Variants in NSMAF observed in about 807,000 individuals in gnomAD.
NSMAF encodes protein FAN.
A neutral mutation model predicts 134.9 loss-of-function variants in NSMAF; 90 were observed. The ratio of observed to expected loss-of-function variants is 0.67; its 90% CI spans 0.56 to 0.79. NSMAF has a LOEUF of 0.79. NSMAF is among the 30% of genes least tolerant of loss of function. The pLI, the probability that NSMAF is intolerant of heterozygous loss-of-function variation, is 0.00. For synonymous variants in NSMAF, 358 were observed against 389.6 expected (o/e 0.92, Z 0.96); for missense variants, 1,010 against 1,119.0 (o/e 0.90, Z 1.39).
intron 1 of NSMAF, among the ~76,000 whole-genome samples, chr8:58,645,811 C>T (rs969812686): frequency 3.9e-5 from 6 of 152,142 alleles, no homozygotes; most frequent in African/African-American, 1.4e-4. Flanking sequence ...GAGGCCAAGG[C>T]GGGCGGTTTG....
chr8:58,654,887 T>C (rs1338232168), intron 1 of NSMAF, among the ~76,000 whole-genome samples: 1 of 152,172 alleles, frequency 6.6e-6, no homozygotes, highest in Non-Finnish European at 1.5e-5. Flanking sequence ...CAGGCTGGAG[T>C]GCAATGGCAC....
intron 19 of NSMAF, 28 bp downstream of exon 19, chr8:58,599,204 A>G: frequency 3.8e-6 from 6 of 1,587,470 alleles, no homozygotes; most frequent in Non-Finnish European, 5.2e-6. Context: ...ACCCAATGCT[A>G]AATAAAATTT....
chr8:58,639,999 T>G (rs1035299282), intron 2 of NSMAF: 16 of 444,442 alleles, frequency 3.6e-5, no homozygotes, highest in African/African-American at 3.2e-4. Context: ...GCTCAGAGCT[T>G]TGTTCAGGCA....
intron 1 of NSMAF, among the ~76,000 whole-genome samples, chr8:58,646,638 C>T (rs907927847): frequency 2.6e-5 from 4 of 151,794 alleles, no homozygotes; most frequent in African/African-American, 7.3e-5. Context: ...TTGTTATACC[C>T]GCTTTAAAAT....
intron 13 of NSMAF, among the ~76,000 whole-genome samples, chr8:58,602,962 A>C (rs528058235): frequency 6.6e-6 from 1 of 152,340 alleles, no homozygotes; most frequent in Admixed American, 6.5e-5. Flanking sequence ...GGTTAAAATC[A>C]TGCCCATTTT....
In NSMAF at chr8:58,584,184, T is replaced by C; in HGVS notation, c.2676A>G (p.Ile892Met). The change falls in exon 31 of 31, where the codon ATA (isoleucine) becomes ATG (methionine). Residue 892 changes from isoleucine (I) to methionine (M), a missense_variant. Coordinates refer to ENST00000038176, the MANE Select transcript of NSMAF (RefSeq NM_003580.4). ...IQGHTGAVTC[I>M]WMNEQCSSII... ...TACTGCTACACTGTTCATTCATCCA[T>C]ATACATGTCACAGCACCTGAGAGAA... 6.2e-7 allele frequency: 1 copy of C among 1,613,492 alleles called. No individual in the cohort carries two copies. The highest frequency in any genetic ancestry group is 8.5e-7 in the Non-Finnish European group (1 of 1,179,532).
At chr8:58,649,771 C>T (rs1487037491) in intron 1 of NSMAF, among the ~76,000 whole-genome samples, 1 of 152,172 alleles carries the variant, frequency 6.6e-6, no homozygotes, top group East Asian at 1.9e-4. Flanking sequence ...CACCTTCCAC[C>T]ATGAGTAAAA....
chr8:58,602,710 A>G (rs1747003378), intron 13 of NSMAF, among the ~76,000 whole-genome samples: 1 of 152,198 alleles, frequency 6.6e-6, no homozygotes, highest in Non-Finnish European at 1.5e-5. Context: ...TTTTCTTAAA[A>G]TAATCTGTGG....
chr8:58,610,663 G>A (rs187138775), intron 9 of NSMAF, among the ~76,000 whole-genome samples: 2 of 152,338 alleles, frequency 1.3e-5, no homozygotes, highest in East Asian at 1.9e-4. Flanking sequence ...ATAGAAGTGA[G>A]TAAGGGCTGC....
At chr8:58,604,241 A>G (rs1457005502) in intron 12 of NSMAF, among the ~76,000 whole-genome samples, 3 of 152,196 alleles carry the variant, frequency 2.0e-5, no homozygotes, top group Admixed American at 1.3e-4. Context: ...GAAACCCCTC[A>G]GAAAAAGTAT....
At chr8:58,584,268 G>A in intron 30 of NSMAF, 68 bp from the exon 31 acceptor site, 1 of 1,087,388 alleles carries the variant, frequency 9.2e-7, no homozygotes, top group East Asian at 2.4e-5. Flanking sequence ...ACTTTACTCT[G>A]ATGCTTACTC....
intron 2 of NSMAF, among the ~76,000 whole-genome samples, chr8:58,640,662 A>C (rs1455263469): frequency 6.6e-6 from 1 of 152,040 alleles, no homozygotes; most frequent in African/African-American, 2.4e-5. Flanking sequence ...GATTAAAATA[A>C]TTTTCTGTGG....
chr8:58,644,058 T>C (rs1231635144), intron 1 of NSMAF, among the ~76,000 whole-genome samples: 1 of 152,192 alleles, frequency 6.6e-6, no homozygotes, highest in Non-Finnish European at 1.5e-5. Context: ...AACAGGCATT[T>C]TTTTGTTTTG....
intron 9 of NSMAF, among the ~76,000 whole-genome samples, chr8:58,618,974 C>T (rs558448255): frequency 1.3e-5 from 2 of 152,206 alleles, no homozygotes; most frequent in South Asian, 2.1e-4. Context: ...AAAACGTTCA[C>T]AGTGAACTAT....
intron 2 of NSMAF, among the ~76,000 whole-genome samples, chr8:58,640,921 T>G (rs767425235): frequency 3.3e-5 from 5 of 152,072 alleles, no homozygotes; most frequent in African/African-American, 7.2e-5. Flanking sequence ...TATTTTTATT[T>G]ATTGATTGAT....
chr8:58,607,743 C>T, intron 11 of NSMAF, 26 bp downstream of exon 11: 1 of 1,588,272 alleles, frequency 6.3e-7, no homozygotes, highest in Non-Finnish European at 8.6e-7. Flanking sequence ...ACAATCATGC[C>T]CCAGCACAGC....
chr8:58,652,431 G>A (rs1003640228), intron 1 of NSMAF, among the ~76,000 whole-genome samples: 1 of 152,140 alleles, frequency 6.6e-6, no homozygotes, highest in African/African-American at 2.4e-5. Flanking sequence ...CCCCAATCAA[G>A]AACAAACTCT....
Position 58,620,253 on chromosome 8 carries a change from TAAG to T in NSMAF, c.557+2964_557+2966del, listed in dbSNP as rs1026028913. Reference sequence around the variant, plus strand: ...AGAAGAACTGAGAGCACAGCTGAAATAAGAAGAATAAGCAACAGCCAGGTGCAG... The same window carrying T: ...AGAAGAACTGAGAGCACAGCTGAAATAAGAATAAGCAACAGCCAGGTGCAG... On this transcript the variant is annotated intron_variant, in intron 9 of 30. Coordinates refer to ENST00000038176, the MANE Select transcript of NSMAF (RefSeq NM_003580.4). Among the ~76,000 whole-genome samples the T allele has an allele frequency of 7.2e-5, 11 of 152,228 alleles. No homozygotes were observed. In the East Asian group the frequency reaches 1.4e-3, roughly 19 times the overall value.
chr8:58,605,893 A>AAAG, intron 12 of NSMAF, 34 bp downstream of exon 12: 2 of 1,515,818 alleles, frequency 1.3e-6, no homozygotes, highest in Admixed American at 2.4e-5. Context: ...AAAAAAAAAA[A>AAAG]AAAGAAAGAA....
Sources: gnomAD v4.1 joint callset for allele counts (sites outside exome capture counted in the v4.1 genomes callset) on GRCh38, gnomAD v4.1.1 for gene constraint, MANE v1.5 for transcripts, NCBI Gene and HGNC (gene_info 2026-07-23, HGNC 2026-07-21) for gene names.